The following SAMD12 variants were observed in gnomAD, a reference collection of about 807,000 sequenced individuals.
SAMD12 encodes the protein sterile alpha motif domain containing 12.
SAMD12 carries 9 observed loss-of-function variants against 15.0 expected under a neutral mutation model. The ratio of observed to expected loss-of-function variants is 0.60; its 90% confidence interval spans 0.36 to 1.05. The LOEUF is 1.05. Among genes scored for constraint, SAMD12 ranks in the 50% least tolerant of loss-of-function variants. The pLI, the probability that SAMD12 is intolerant of heterozygous loss-of-function variation, is 0.01. For synonymous variants in SAMD12, 86 were observed against 90.1 expected (o/e 0.96, Z 0.25); for missense variants, 230 against 234.2 (o/e 0.98, Z 0.12).
At chr8:118,615,321 G>A (rs1462080674) in intron 1 of SAMD12, among the ~76,000 whole-genome samples, 3 of 152,088 alleles carry the variant, frequency 2.0e-5, no homozygotes, top group Non-Finnish European at 4.4e-5. Context: ...CCCACGTCAT[G>A]GTGCTTGCAC....
At chr8:118,573,135 A>G (rs943480100) in intron 2 of SAMD12, among the ~76,000 whole-genome samples, 6 of 152,068 alleles carry the variant, frequency 3.9e-5, no homozygotes, top group Non-Finnish European at 8.8e-5. Context: ...CCCAGTCTGG[A>G]GTGCAATGGT....
chr8:118,220,002 C>T (rs1812050191), intron 4 of SAMD12, among the ~76,000 whole-genome samples: 1 of 152,206 alleles, frequency 6.6e-6, no homozygotes, highest in Non-Finnish European at 1.5e-5. Flanking sequence ...CCACTGTTTA[C>T]CTGAATGATA....
intron 2 of SAMD12, among the ~76,000 whole-genome samples, chr8:118,442,823 A>T (rs540194273): frequency 6.6e-6 from 1 of 152,340 alleles, no homozygotes; most frequent in East Asian, 1.9e-4. Flanking sequence ...ACAGAGGCGT[A>T]AATTAGGAAG....
chr8:118,620,663 AAG>A (rs1159133209), intron 1 of SAMD12, among the ~76,000 whole-genome samples: 1 of 152,138 alleles, frequency 6.6e-6, no homozygotes, highest in African/African-American at 2.4e-5. Flanking sequence ...TAAGGGGAGC[AAG>A]AGTCAGATTA....
At chr8:118,254,008 T>C (rs1374744484) in intron 4 of SAMD12, among the ~76,000 whole-genome samples, 1 of 152,132 alleles carries the variant, frequency 6.6e-6, no homozygotes, top group African/African-American at 2.4e-5. Flanking sequence ...CAAACACTTT[T>C]TAGACATGGG....
intron 2 of SAMD12, among the ~76,000 whole-genome samples, chr8:118,525,002 C>A (rs958090015): frequency 3.3e-5 from 5 of 152,286 alleles, no homozygotes; most frequent in Middle Eastern, 3.4e-3. Context: ...CCCAAAGATG[C>A]CTTACTCCCT....
chr8:118,224,487 A>G (rs1812145213), intron 4 of SAMD12, among the ~76,000 whole-genome samples: 1 of 152,204 alleles, frequency 6.6e-6, no homozygotes, highest in Non-Finnish European at 1.5e-5. Flanking sequence ...TTTTGGTCAC[A>G]TGGTTTGTTT....
At chr8:118,475,803 C>G (rs112046453) in intron 2 of SAMD12, among the ~76,000 whole-genome samples, 2 of 152,266 alleles carry the variant, frequency 1.3e-5, no homozygotes, top group Admixed American at 6.5e-5. Context: ...GATCCATTAG[C>G]GTCACCATGT....
At chr8:118,210,847 CTA>C (rs1277910652) in intron 4 of SAMD12, among the ~76,000 whole-genome samples, 1 of 152,186 alleles carries the variant, frequency 6.6e-6, no homozygotes, top group Non-Finnish European at 1.5e-5. Context: ...CTCTCAAAGC[CTA>C]TCTCTCCCTG....
intron 3 of SAMD12, among the ~76,000 whole-genome samples, chr8:118,426,230 T>A (rs1191802765): frequency 1.3e-5 from 2 of 152,202 alleles, no homozygotes; most frequent in African/African-American, 4.8e-5. Context: ...GTTCTAAATA[T>A]TGTCCGGGTT....
At chr8:118,316,369 C>CAAAAAAAAAAAAAAAA (rs71307444) in intron 4 of SAMD12, among the ~76,000 whole-genome samples, 18 of 114,138 alleles carry the variant, frequency 1.6e-4, no homozygotes, top group African/African-American at 6.4e-4. Flanking sequence ...CCCATGTCTA[C>CAAAAAAAAAAAAAAAA]AAAAAAAAAA....
the SAMD12 span, among the ~76,000 whole-genome samples, chr8:118,170,561 C>A: frequency 1.3e-5 from 2 of 152,028 alleles, no homozygotes; most frequent in East Asian, 3.8e-4. Context: ...GACGAGGATG[C>A]CAAGACAATT....
the SAMD12 span, among the ~76,000 whole-genome samples, chr8:118,168,029 G>T: frequency 2.0e-5 from 3 of 152,168 alleles, no homozygotes; most frequent in Non-Finnish European, 4.4e-5. Flanking sequence ...ACAGAGGCTG[G>T]TCTTTCCCAT....
chr8:118,195,838 A>C (rs1164674375), exon 5 of SAMD12: 3 of 152,496 alleles, frequency 2.0e-5, no homozygotes, highest in Non-Finnish European at 1.5e-5. Context: ...AGGAAGAAGA[A>C]GACCTGCTAT....
chr8:118,324,060 T>C (rs922700347), intron 4 of SAMD12, among the ~76,000 whole-genome samples: 1 of 152,208 alleles, frequency 6.6e-6, no homozygotes, highest in Non-Finnish European at 1.5e-5. Context: ...AGAAAGCTCA[T>C]TCATTTTTGC....
the SAMD12 span, among the ~76,000 whole-genome samples, chr8:118,141,833 C>A: frequency 6.6e-6 from 1 of 152,166 alleles, no homozygotes; most frequent in Non-Finnish European, 1.5e-5. Context: ...ATCTTCAGAA[C>A]CAAATGCAGA....
At chr8:118,185,302 A>G (rs1563683394), downstream of SAMD12, among the ~76,000 whole-genome samples, 4 of 152,076 alleles carry the variant, frequency 2.6e-5, no homozygotes, top group South Asian at 8.3e-4. Flanking sequence ...TAAGTTATTT[A>G]GTGGTGATTT....
At chr8:118,218,909 T>C (rs1812023385) in intron 4 of SAMD12, among the ~76,000 whole-genome samples, 1 of 152,198 alleles carries the variant, frequency 6.6e-6, no homozygotes, top group South Asian at 2.1e-4. Context: ...TAGTGGTCAG[T>C]AGGCCAAATT....
At chr8:118,162,868 A>G in the SAMD12 span, among the ~76,000 whole-genome samples, 2 of 152,220 alleles carry the variant, frequency 1.3e-5, no homozygotes, top group African/African-American at 4.8e-5. Flanking sequence ...AATCTCTAGT[A>G]TCAAACACAG....
Sources: gnomAD v4.1 joint callset for allele counts (sites outside exome capture counted in the v4.1 genomes callset) on GRCh38, gnomAD v4.1.1 for gene constraint, MANE v1.5 for transcripts, NCBI Gene and HGNC (gene_info 2026-07-23, HGNC 2026-07-21) for gene names.